Variants in OXTR observed in about 807,000 individuals in gnomAD.
OXTR encodes oxytocin receptor.
OXTR carries 19 observed loss-of-function variants against 23.9 expected under a neutral mutation model. The observed-to-expected ratio is 0.80, with a 90% CI of 0.56 to 1.17. OXTR has a LOEUF of 1.17. OXTR is among the 50% of genes most tolerant of loss of function. The pLI, the probability that OXTR is intolerant of heterozygous loss-of-function variation, is 0.00. For synonymous variants in OXTR, 278 were observed against 250.5 expected (o/e 1.11, Z -1.04); for missense variants, 500 against 550.7 (o/e 0.91, Z 0.92).
At chr3:8,747,813 T>C (rs1036884357), downstream of OXTR, among the ~76,000 whole-genome samples, 1 of 152,218 alleles carries the variant, frequency 6.6e-6, no homozygotes, top group Non-Finnish European at 1.5e-5. Context: ...ATTTCAGACT[T>C]GGAATCTTGG....
intron 3 of OXTR, among the ~76,000 whole-genome samples, chr3:8,765,975 A>T (rs1277429366): frequency 1.3e-5 from 2 of 152,208 alleles, no homozygotes; most frequent in African/African-American, 4.8e-5. Context: ...ACTGAATGAA[A>T]GCAGCTGGCA....
At chr3:8,741,847 G>C in the OXTR span, among the ~76,000 whole-genome samples, 1 of 152,072 alleles carries the variant, frequency 6.6e-6, no homozygotes, top group Admixed American at 6.5e-5. Flanking sequence ...CAGAGACTGC[G>C]GGGACTGCGC....
chr3:8,757,384 A>G (rs1477270251), intron 3 of OXTR, among the ~76,000 whole-genome samples: 1 of 151,470 alleles, frequency 6.6e-6, no homozygotes, highest in Admixed American at 6.6e-5. Flanking sequence ...ATCCCAGAAC[A>G]ATTAAAGAAA....
At chr3:8,760,397 C>T (rs1007942594) in intron 3 of OXTR, among the ~76,000 whole-genome samples, 1 of 152,360 alleles carries the variant, frequency 6.6e-6, no homozygotes, top group African/African-American at 2.4e-5. Flanking sequence ...AGGGCGAGGG[C>T]TTGGGAGGGC....
At chr3:8,741,490 C>G in the OXTR span, among the ~76,000 whole-genome samples, 2 of 152,124 alleles carry the variant, frequency 1.3e-5, no homozygotes, top group Admixed American at 6.5e-5. Flanking sequence ...GACTCTGAAG[C>G]TAACTCCGTG....
At chr3:8,745,793 T>A, downstream of OXTR, 1 of 1,614,046 alleles carries the variant, frequency 6.2e-7, no homozygotes, top group Non-Finnish European at 8.5e-7. The surrounding 1 kb of genome is among the most constrained non-coding windows in gnomAD (Gnocchi z 4.8). Context: ...CATCCGCACC[T>A]TCTGCAACCC....
At chr3:8,747,009 A>T (rs1166449563), downstream of OXTR, among the ~76,000 whole-genome samples, 3 of 151,480 alleles carry the variant, frequency 2.0e-5, no homozygotes, top group Non-Finnish European at 4.4e-5. Context: ...CAGTAGATAA[A>T]CCTGTTTAAA....
chr3:8,745,666 C>T (rs1400119189), downstream of OXTR: 5 of 1,614,168 alleles, frequency 3.1e-6, 1 homozygote. This position sits in a 1 kb window ranked among gnomAD's most constrained non-coding sequence, Gnocchi z 4.8. Context: ...TCCCACTGGC[C>T]CTGCTCTGGG....
At chr3:8,745,859 G>A (rs1708144822), downstream of OXTR, 4 of 1,611,198 alleles carry the variant, frequency 2.5e-6, no homozygotes, top group Non-Finnish European at 3.4e-6. This position sits in a 1 kb window ranked among gnomAD's most constrained non-coding sequence, Gnocchi z 4.8. Flanking sequence ...GCTGCGGAAG[G>A]AGGTCTAAAG....
At chr3:8,766,444 A>T (rs1322633219) in intron 3 of OXTR, among the ~76,000 whole-genome samples, 2 of 152,148 alleles carry the variant, frequency 1.3e-5, no homozygotes, top group African/African-American at 4.8e-5. Context: ...CCTTGTCCTC[A>T]GCAGTCCTCC....
At chr3:8,760,105 C>T (rs1708454967) in intron 3 of OXTR, among the ~76,000 whole-genome samples, 1 of 152,194 alleles carries the variant, frequency 6.6e-6, no homozygotes, top group African/African-American at 2.4e-5. Flanking sequence ...AAAATGACTC[C>T]CACTCCATCA....
intron 3 of OXTR, 130 bp from the exon 4 acceptor site, chr3:8,753,354 A>G: frequency 9.0e-7 from 1 of 1,115,582 alleles, no homozygotes. Flanking sequence ...CTGAATCACA[A>G]GATGAGGTAC....
chr3:8,753,118 G>A lies in OXTR; in HGVS notation c.1029C>T (p.Arg343=), dbSNP rs765156573. The change falls in exon 4 of 4, where the codon CGC becomes CGT. Residue 343 remains arginine (R), a synonymous_variant. Transcript: ENST00000316793. ...GGTAGCTGGCGGAGCAGCACAGGAAGCGCTGCACGAGTTCGTGGAAGAGGT... is the reference window on the plus strand; with the variant it reads ...GGTAGCTGGCGGAGCAGCACAGGAAACGCTGCACGAGTTCGTGGAAGAGGT... ...TGHLFHELVQ[R]FLCCSASYLK... 1 of 1,614,186 alleles carries A rather than the reference G, an allele frequency of 6.2e-7. No individual in the cohort carries two copies. Among genetic ancestry groups the A allele is most frequent in the South Asian group, 1.1e-5 (1 of 91,086 alleles).
At chr3:8,741,658 G>A in the OXTR span, among the ~76,000 whole-genome samples, 13 of 152,204 alleles carry the variant, frequency 8.5e-5, no homozygotes, top group South Asian at 6.2e-4. Flanking sequence ...TCCCCACCCT[G>A]CTAAGAGCTA....
At chr3:8,746,235 C>T (rs947943884), downstream of OXTR, 5 of 197,730 alleles carry the variant, frequency 2.5e-5, no homozygotes, top group African/African-American at 1.1e-4. Context: ...CCAGTGACCA[C>T]TGGCGTTAGG....
chr3:8,753,166 C>T lies in OXTR; in HGVS notation c.981G>A (p.Trp327Ter). ...LASLNSCCNP[W>*]IYMLFTGHLF... ...GGTGGCCCGTGAACAGCATGTAGATCCAGGGGTTGCAGCAGCTGTTGAGGC... is the reference window on the plus strand; with the variant it reads ...GGTGGCCCGTGAACAGCATGTAGATTCAGGGGTTGCAGCAGCTGTTGAGGC... Residue 327 changes from tryptophan to a stop codon, truncating the protein, a stop_gained, in exon 4 of 4, where the codon TGG becomes TGA. Coordinates refer to ENST00000316793, the MANE Select transcript of OXTR (RefSeq NM_000916.4). LOFTEE classifies it high-confidence loss of function. 1 of 1,614,118 alleles carries T rather than the reference C, an allele frequency of 6.2e-7. No individual in the cohort carries two copies.
intron 3 of OXTR, among the ~76,000 whole-genome samples, chr3:8,763,698 G>A (rs1021665155): frequency 9.9e-5 from 15 of 152,174 alleles, no homozygotes; most frequent in Admixed American, 9.8e-4. Context: ...GCCTCACCAA[G>A]TCAGCACCCG....
In OXTR at chr3:8,767,259, T is replaced by C. The variant is rs779325868; in HGVS notation, c.922+7A>G. On this transcript the variant is annotated splice_region_variant and intron_variant, in intron 3 of 3. Transcript: ENST00000316793. ...TCCCTCCTCCTGGGTCTCCCAGCCC[T>C]GGCTACCTTCCTTGGGCGCGTTGGC... is the stretch of plus-strand genomic sequence containing the variant. The C allele has an allele frequency of 2.0e-6, 3 of 1,531,216 alleles. No individual in the cohort carries two copies. In the South Asian group the frequency reaches 3.9e-5, roughly 20 times the overall value. 94.9% of individuals were successfully genotyped at this position (1,531,216 alleles called of 1,614,324 possible). A position where few individuals can be genotyped will look rare whatever the true frequency, so the allele number is the denominator to read the frequency against.
At chr3:8,748,181 T>C (rs762059707), downstream of OXTR, among the ~76,000 whole-genome samples, 1 of 152,182 alleles carries the variant, frequency 6.6e-6, no homozygotes. Flanking sequence ...TTTGATTCAG[T>C]AGTGGGGCCC....
Sources: gnomAD v4.1 joint callset for allele counts (sites outside exome capture counted in the v4.1 genomes callset) on GRCh38, gnomAD v4.1.1 for gene constraint, Gnocchi (gnomAD v3.1) non-coding constraint, MANE v1.5 for transcripts, NCBI Gene and HGNC (gene_info 2026-07-23, HGNC 2026-07-21) for gene names.